Variants in CENPP observed in about 807,000 individuals in gnomAD.
CENPP encodes the protein centromere protein P.
In CENPP, 24 loss-of-function variants were observed where a neutral mutation model predicts 35.6. The observed-to-expected ratio is 0.67, with a 90% CI of 0.49 to 0.95. The LOEUF is 0.95. CENPP is among the 40% of genes least tolerant of loss of function. The pLI, the probability that CENPP is intolerant of heterozygous loss-of-function variation, is 0.00. For synonymous variants in CENPP, 120 were observed against 125.5 expected, an observed-to-expected ratio of 0.96 and a Z score of 0.29; for missense variants, 332 against 345.3, an observed-to-expected ratio of 0.96 and a Z score of 0.31.
At chr9:92,343,171 T>C (rs183649228) in intron 3 of CENPP, among the ~76,000 whole-genome samples, 17 of 152,326 alleles carry the variant, frequency 1.1e-4, no homozygotes, top group African/African-American at 4.1e-4. Context: ...CCTCAAATCA[T>C]GTTAATAGAA....
At chr9:92,407,103 T>A (rs1843327393) in intron 5 of CENPP, among the ~76,000 whole-genome samples, 1 of 152,232 alleles carries the variant, frequency 6.6e-6, no homozygotes, top group African/African-American at 2.4e-5. Context: ...GTTCTCTGGA[T>A]GCATTGCCTT....
chr9:92,544,881 A>G (rs62572539), intron 5 of CENPP, among the ~76,000 whole-genome samples: 1 of 151,914 alleles, frequency 6.6e-6, no homozygotes, highest in Non-Finnish European at 1.5e-5. Context: ...ACACCCAGCT[A>G]AATTTTTTTT....
chr9:92,463,825 G>A (rs1845203431), intron 5 of CENPP, among the ~76,000 whole-genome samples: 1 of 152,092 alleles, frequency 6.6e-6, no homozygotes, highest in Non-Finnish European at 1.5e-5. Flanking sequence ...TTTTGGATTT[G>A]TATAGTTCTG....
At chr9:92,330,606 C>CAA (rs375580524) in intron 1 of CENPP, among the ~76,000 whole-genome samples, 1 of 130,766 alleles carries the variant, frequency 7.6e-6, no homozygotes, top group African/African-American at 2.9e-5. Flanking sequence ...TAATGGATGA[C>CAA]AAAAAAAAAA....
rs374567670 is a variant in CENPP at position 92,567,391 on chromosome 9, T to TATATATATATATATATAG, written c.565-43918_565-43917insTATATATATATAGATATA. Among the ~76,000 whole-genome samples, 9 of 98,376 alleles carry TATATATATATATATATAG rather than the reference T, an allele frequency of 9.1e-5. No individual in the cohort carries two copies. In the East Asian group the frequency reaches 1.1e-3, roughly 12 times the overall value. The allele number at this position is 98,376 out of a possible 152,430, so 64.5% of individuals were successfully genotyped here. A position where few individuals can be genotyped will look rare whatever the true frequency, so the allele number is the denominator to read the frequency against. On this transcript the variant is annotated intron_variant, in intron 5 of 7. Transcript: ENST00000375587. ...TAAGATAGATATATATATATATATA[T>TATATATATATATATATAG]ATATAGATATATATATAAAGTGGTT...
In CENPP at chr9:92,614,299, C is replaced by G. The variant is rs1851362656; in HGVS notation, c.*1150C>G. 1 of 153,062 alleles carries G rather than the reference C, an allele frequency of 6.5e-6. No homozygotes were observed. Among genetic ancestry groups the G allele is most frequent in the South Asian group, 2.1e-4 (1 of 4,846 alleles). 9.5% of individuals were successfully genotyped at this position (153,062 alleles called of 1,614,324 possible). ...GGCTGCCCCAGCCCCAGCCCAGCAACAGTGAACTCCCTTGGGTCAAGACAG... is the reference window on the plus strand; with the variant it reads ...GGCTGCCCCAGCCCCAGCCCAGCAAGAGTGAACTCCCTTGGGTCAAGACAG... On this transcript the variant is annotated 3_prime_UTR_variant, in exon 8 of 8. Transcript: ENST00000375587.
intron 3 of CENPP, 32 bp from the exon 4 acceptor site, chr9:92,345,667 C>T: frequency 8.0e-7 from 1 of 1,247,422 alleles, no homozygotes; most frequent in Non-Finnish European, 1.2e-6. Flanking sequence ...GTTTACTGTG[C>T]TTTGATACAG....
chr9:92,431,084 G>A (rs993239892), intron 5 of CENPP, among the ~76,000 whole-genome samples: 2 of 152,092 alleles, frequency 1.3e-5, no homozygotes, highest in African/African-American at 4.8e-5. Context: ...GTGAGCCACT[G>A]CGCCTGGCCA....
chr9:92,556,117 T>A (rs1849718909), intron 5 of CENPP, among the ~76,000 whole-genome samples: 1 of 152,218 alleles, frequency 6.6e-6, no homozygotes, highest in Non-Finnish European at 1.5e-5. Context: ...AATAATTTTT[T>A]AATTTCCATC....
intron 4 of CENPP, among the ~76,000 whole-genome samples, chr9:92,363,918 G>A (rs2044540): frequency 0.031 from 4,668 of 151,686 alleles, 112 homozygotes; most frequent in South Asian, 0.084. Context: ...GTGCAAACCC[G>A]GCTCACTGCA....
At chr9:92,507,462 A>G (rs111909989) in intron 5 of CENPP, among the ~76,000 whole-genome samples, 6,050 of 152,310 alleles carry the variant, frequency 0.04, 154 homozygotes, top group Middle Eastern at 0.075. Context: ...TTCTTTTGCA[A>G]TTATTCTCTG....
chr9:92,573,804 GC>G (rs1368734729), intron 5 of CENPP, among the ~76,000 whole-genome samples: 4 of 152,244 alleles, frequency 2.6e-5, no homozygotes, highest in Admixed American at 1.3e-4. Flanking sequence ...AATGGCGGAT[GC>G]CTGTCCCCCA....
intron 5 of CENPP, among the ~76,000 whole-genome samples, chr9:92,549,646 CAA>C (rs377339429): frequency 1.1e-5 from 1 of 90,606 alleles, no homozygotes; most frequent in Admixed American, 1.0e-4. Flanking sequence ...GACTCCGTCT[CAA>C]AAAAAAAAAA....
intron 5 of CENPP, among the ~76,000 whole-genome samples, chr9:92,444,177 A>T (rs1427319503): frequency 6.6e-6 from 1 of 152,212 alleles, no homozygotes; most frequent in Non-Finnish European, 1.5e-5. Flanking sequence ...TTTTAATCAA[A>T]TTATAATCAT....
intron 5 of CENPP, among the ~76,000 whole-genome samples, chr9:92,510,413 A>G (rs1169535606): frequency 5.3e-5 from 8 of 152,260 alleles, no homozygotes; most frequent in Non-Finnish European, 1.2e-4. Context: ...TGAAGCTGTC[A>G]TGGATGCTAA....
intron 5 of CENPP, among the ~76,000 whole-genome samples, chr9:92,598,647 T>C (rs2131383332): frequency 6.6e-6 from 1 of 152,230 alleles, no homozygotes; most frequent in South Asian, 2.1e-4. Flanking sequence ...CACTGTTTCC[T>C]GTCTCCTGAG....
intron 5 of CENPP, among the ~76,000 whole-genome samples, chr9:92,556,730 G>A (rs938346850): frequency 1.3e-5 from 2 of 152,164 alleles, no homozygotes; most frequent in Non-Finnish European, 2.9e-5. Context: ...GAGTCCTTAT[G>A]TGTTAAGTGA....
At chr9:92,564,808 C>T (rs745588940) in intron 5 of CENPP, among the ~76,000 whole-genome samples, 39 of 152,294 alleles carry the variant, frequency 2.6e-4, no homozygotes, top group Admixed American at 1.1e-3. Context: ...TTAAAACTCT[C>T]CAAAATAAGC....
At chr9:92,465,364 A>T (rs1416309597) in intron 5 of CENPP, among the ~76,000 whole-genome samples, 2 of 152,260 alleles carry the variant, frequency 1.3e-5, no homozygotes, top group East Asian at 3.8e-4. Flanking sequence ...ATCATCCTTC[A>T]TATAATCCAA....
Sources: gnomAD v4.1 joint callset for allele counts (sites outside exome capture counted in the v4.1 genomes callset) on GRCh38, gnomAD v4.1.1 for gene constraint, MANE v1.5 for transcripts, NCBI Gene and HGNC (gene_info 2026-07-23, HGNC 2026-07-21) for gene names.